Variants in RIMS1 observed in about 807,000 individuals in gnomAD.
RIMS1 encodes the protein regulating synaptic membrane exocytosis protein 1.
Under a neutral mutation model 214.1 loss-of-function variants are expected in RIMS1, and 83 were observed. That is an observed-to-expected ratio of 0.39 (90% CI 0.32 to 0.47). The LOEUF (loss-of-function observed/expected upper bound fraction) is 0.47. Among genes scored for constraint, RIMS1 ranks in the 20% least tolerant of loss-of-function variants. RIMS1 has a pLI of 0.99. For synonymous variants in RIMS1, 793 were observed against 786.8 expected (o/e 1.01, Z -0.13); for missense variants, 2,050 against 2,161.8 (o/e 0.95, Z 1.03).
chr6:72,090,760 AC>A (rs1443343322), intron 2 of RIMS1, among the ~76,000 whole-genome samples: 15 of 152,216 alleles, frequency 9.9e-5, no homozygotes, highest in Non-Finnish European at 2.2e-4. Flanking sequence ...GAAGTCAAGA[AC>A]TGTGAATTTA....
chr6:71,953,292 G>A (rs1790209897), intron 1 of RIMS1, among the ~76,000 whole-genome samples: 1 of 152,042 alleles, frequency 6.6e-6, no homozygotes, highest in South Asian at 2.1e-4. Context: ...CCCGGTCAAG[G>A]AGCACATCTT....
chr6:71,896,919 G>A (rs1466245555), intron 1 of RIMS1, among the ~76,000 whole-genome samples: 1 of 152,064 alleles, frequency 6.6e-6, no homozygotes, highest in Non-Finnish European at 1.5e-5. Flanking sequence ...ATATGTCAAT[G>A]ATCCCTAGAT....
In RIMS1 at chr6:72,136,285, A is replaced by G. The variant is rs1198953445; in HGVS notation, c.471+36299A>G. Among the ~76,000 whole-genome samples, 5 of 152,276 alleles carry G rather than the reference A, an allele frequency of 3.3e-5. No individual in the cohort carries two copies. In the East Asian group the frequency reaches 7.7e-4, roughly 24 times the overall value. On this transcript the variant is annotated intron_variant, in intron 4 of 33. Coordinates refer to ENST00000521978, the MANE Select transcript of RIMS1 (RefSeq NM_014989.7). Reference sequence around the variant, plus strand: ...AAAAAGAAAATAATCGAGAACATAAATACAAAATAGAGGAAAATATTCCCA... The same window carrying G: ...AAAAAGAAAATAATCGAGAACATAAGTACAAAATAGAGGAAAATATTCCCA...
intron 26 of RIMS1, among the ~76,000 whole-genome samples, chr6:72,303,783 T>A (rs1451803019): frequency 6.6e-6 from 1 of 151,554 alleles, no homozygotes; most frequent in Non-Finnish European, 1.5e-5. Context: ...TAAGTGCTTT[T>A]TGAAAGTACC....
At chr6:71,887,624 G>T (rs1296829475) in intron 1 of RIMS1, among the ~76,000 whole-genome samples, 1 of 152,134 alleles carries the variant, frequency 6.6e-6, no homozygotes, top group Non-Finnish European at 1.5e-5. Context: ...TCTTGGAGTT[G>T]TTTAGCTGGT....
intron 2 of RIMS1, among the ~76,000 whole-genome samples, chr6:71,996,373 T>A (rs1311267024): frequency 6.6e-6 from 1 of 152,226 alleles, no homozygotes; most frequent in Non-Finnish European, 1.5e-5. Context: ...GCCTGCCTAC[T>A]AATGCTAAGT....
intron 2 of RIMS1, among the ~76,000 whole-genome samples, chr6:72,064,941 A>G (rs1342228928): frequency 6.6e-6 from 1 of 152,228 alleles, no homozygotes; most frequent in African/African-American, 2.4e-5. Flanking sequence ...GGCGTGGTGT[A>G]TACTACAGTC....
intron 25 of RIMS1, 42 bp from the exon 26 acceptor site, chr6:72,291,892 G>T: frequency 1.4e-6 from 2 of 1,427,684 alleles, no homozygotes; most frequent in Non-Finnish European, 1.9e-6. Context: ...AGACCACATT[G>T]GAATTTCATT....
intron 2 of RIMS1, among the ~76,000 whole-genome samples, chr6:72,043,683 AC>A (rs905334539): frequency 1.5e-5 from 2 of 134,486 alleles, no homozygotes; most frequent in African/African-American, 5.7e-5. Context: ...TATTAACTAG[AC>A]TTTTTTCCCC....
intron 2 of RIMS1, among the ~76,000 whole-genome samples, chr6:72,016,027 G>T (rs1812637558): frequency 6.6e-6 from 1 of 151,812 alleles, no homozygotes. Flanking sequence ...GAAGATTTGG[G>T]GTTGTTTCAA....
intron 29 of RIMS1, among the ~76,000 whole-genome samples, chr6:72,363,372 G>A (rs934440804): frequency 6.6e-6 from 1 of 152,156 alleles, no homozygotes; most frequent in Non-Finnish European, 1.5e-5. Context: ...TGCAATTTTG[G>A]TTTCATCTAA....
chr6:72,163,582 T>G (rs1240275181), intron 4 of RIMS1, among the ~76,000 whole-genome samples: 1 of 140,958 alleles, frequency 7.1e-6, no homozygotes, highest in African/African-American at 2.5e-5. Flanking sequence ...CCTTTCTGTT[T>G]GTTAGTTTTC....
In RIMS1 at chr6:71,911,749, T is replaced by G. The variant is rs901906145; in HGVS notation, c.164+24562T>G. Reference sequence around the variant, plus strand: ...GGTGAAGTACTGAAGGGTGTTTATTTGTTAAACATCTGTTGGTGCTTTCAA... The same window carrying G: ...GGTGAAGTACTGAAGGGTGTTTATTGGTTAAACATCTGTTGGTGCTTTCAA... On this transcript the variant is annotated intron_variant, in intron 1 of 33. Transcript: ENST00000521978. Among the ~76,000 whole-genome samples the G allele has an allele frequency of 5.3e-5, 8 of 152,170 alleles. 1 individual carries two copies. Among genetic ancestry groups the G allele is most frequent in the African/African-American group, 1.2e-4 (5 of 41,464 alleles).
chr6:71,963,279 A>T (rs1793484112), intron 1 of RIMS1, among the ~76,000 whole-genome samples: 1 of 152,116 alleles, frequency 6.6e-6, no homozygotes, highest in Admixed American at 6.6e-5. Flanking sequence ...AGGTATGAAC[A>T]TTTGCCATTT....
chr6:72,257,289 T>C (rs1252637088), intron 16 of RIMS1, among the ~76,000 whole-genome samples: 4 of 151,986 alleles, frequency 2.6e-5, no homozygotes, highest in Admixed American at 2.0e-4. Flanking sequence ...AACTCTAAAC[T>C]CTTCTTTTGG....
chr6:72,192,027 T>C lies in RIMS1; in HGVS notation c.1678+8878T>C, dbSNP rs185547250. Among the ~76,000 whole-genome samples, 13 of 152,336 alleles carry C rather than the reference T, an allele frequency of 8.5e-5. No individual in the cohort carries two copies. The East Asian group carries it at 2.5e-3, about 29-fold the overall frequency. ...TTGGCCTTTCCTACCATAATAGTCC[T>C]CACCCTACCAGTCAGGGAGCCAACG... On this transcript the variant is annotated intron_variant, in intron 6 of 33. Coordinates refer to ENST00000521978, the MANE Select transcript of RIMS1 (RefSeq NM_014989.7).
intron 4 of RIMS1, among the ~76,000 whole-genome samples, chr6:72,125,947 G>T (rs993320815): frequency 6.6e-6 from 1 of 152,200 alleles, no homozygotes; most frequent in Admixed American, 6.5e-5. Flanking sequence ...CGCTTCCTGG[G>T]TGAGGCGACC....
At chr6:72,095,014 C>T (rs1013834150) in intron 2 of RIMS1, among the ~76,000 whole-genome samples, 11 of 151,176 alleles carry the variant, frequency 7.3e-5, no homozygotes, top group South Asian at 6.3e-4. Context: ...TGCAGTGGTG[C>T]GATCTCAGCT....
intron 4 of RIMS1, among the ~76,000 whole-genome samples, chr6:72,144,889 C>CTTT (rs756238541): frequency 6.9e-6 from 1 of 145,014 alleles, no homozygotes; most frequent in Non-Finnish European, 1.5e-5. Context: ...TTTCTTTTTT[C>CTTT]TTTTTTTTTT....
Sources: allele counts gnomAD v4.1 joint callset (sites outside exome capture counted in the v4.1 genomes callset), GRCh38; gene constraint gnomAD v4.1.1; transcripts MANE v1.5; gene names NCBI Gene and HGNC (gene_info 2026-07-23, HGNC 2026-07-21).